Variants in RIN3 observed in about 807,000 individuals in gnomAD.
RIN3 encodes Ras and Rab interactor 3.
In RIN3, 54 loss-of-function variants were observed where a neutral mutation model predicts 76.3. That is an observed-to-expected ratio of 0.71 (90% CI 0.57 to 0.89). RIN3 has a LOEUF of 0.89. RIN3 is among the 40% of genes least tolerant of loss of function. The probability of loss-of-function intolerance (pLI) is 0.00; values close to 1 mark genes in which losing one functional copy is unlikely to be tolerated. For missense variants in RIN3, 1,256 were observed against 1,322.1 expected, an observed-to-expected ratio of 0.95 and a Z score of 0.78; for synonymous variants, 576 against 564.0, an observed-to-expected ratio of 1.02 and a Z score of -0.30.
At position 92,626,663 on chromosome 14, in the gene RIN3, G is replaced by T. The variant is rs374607434; in HGVS notation, c.440+11184G>T. Among the ~76,000 whole-genome samples the T allele has an allele frequency of 4.6e-5, 7 of 152,264 alleles. No homozygotes were observed. The East Asian group carries it at 1.2e-3, about 25-fold the overall frequency. On this transcript the variant is annotated intron_variant, in intron 4 of 9. Coordinates refer to ENST00000216487, the MANE Select transcript of RIN3 (RefSeq NM_024832.5). ...GTAATTCCCAAGAGTCAGAGTATAA[G>T]GGGGAGGAATAATAGGAGTAGCAGA...
intron 1 of RIN3, among the ~76,000 whole-genome samples, chr14:92,517,767 T>C (rs1896480969): frequency 6.6e-6 from 1 of 152,152 alleles, no homozygotes; most frequent in Non-Finnish European, 1.5e-5. Flanking sequence ...ATCACAACTT[T>C]AATGACTTCC....
chr14:92,633,896 C>T (rs943126617), intron 4 of RIN3, among the ~76,000 whole-genome samples: 7 of 151,118 alleles, frequency 4.6e-5, no homozygotes, highest in Non-Finnish European at 1.0e-4. Context: ...TGTGTGTGTG[C>T]ATGCACATAT....
chr14:92,629,099 T>C (rs1332737112), intron 4 of RIN3, among the ~76,000 whole-genome samples: 1 of 147,346 alleles, frequency 6.8e-6, no homozygotes, highest in African/African-American at 2.5e-5. Context: ...CCACCAAGGG[T>C]CCTGAGTCGG....
At chr14:92,536,270 G>C (rs1323746388) in intron 1 of RIN3, among the ~76,000 whole-genome samples, 2 of 152,168 alleles carry the variant, frequency 1.3e-5, no homozygotes, top group African/African-American at 4.8e-5. Flanking sequence ...CACTGATGCT[G>C]TAGACCGTTT....
At chr14:92,627,548 C>T (rs532597604) in intron 4 of RIN3, among the ~76,000 whole-genome samples, 277 of 152,340 alleles carry the variant, frequency 1.8e-3, no homozygotes, top group Admixed American at 3.6e-3. Flanking sequence ...CAGGATATCC[C>T]GACCACCAAT....
chr14:92,621,663 A>G (rs1218994379), intron 4 of RIN3, among the ~76,000 whole-genome samples: 1 of 152,242 alleles, frequency 6.6e-6, no homozygotes, highest in Admixed American at 6.5e-5. Flanking sequence ...AAAGATTGTG[A>G]AAAACCAAGG....
intron 1 of RIN3, among the ~76,000 whole-genome samples, chr14:92,538,204 G>A (rs1239009537): frequency 6.6e-6 from 1 of 151,532 alleles, no homozygotes; most frequent in African/African-American, 2.4e-5. Context: ...TCCTGACCTA[G>A]GTGATCTGCC....
chr14:92,646,497 C>T (rs371913467), intron 5 of RIN3, among the ~76,000 whole-genome samples: 48 of 152,336 alleles, frequency 3.2e-4, no homozygotes, highest in African/African-American at 1.1e-3. Flanking sequence ...TGCAGTGGCA[C>T]GATCTCAGCT....
chr14:92,529,812 G>A (rs1896837015), intron 1 of RIN3, among the ~76,000 whole-genome samples: 1 of 152,208 alleles, frequency 6.6e-6, no homozygotes, highest in Admixed American at 6.5e-5. Context: ...AGAAGGCTGT[G>A]ATGTGCCTTA....
chr14:92,533,139 C>G (rs1896922296), intron 1 of RIN3, among the ~76,000 whole-genome samples: 2 of 152,082 alleles, frequency 1.3e-5, no homozygotes. Context: ...AAACAAATCC[C>G]ACAAATAACA....
chr14:92,597,822 T>C (rs1405169648), intron 3 of RIN3, among the ~76,000 whole-genome samples: 2 of 152,228 alleles, frequency 1.3e-5, no homozygotes, highest in African/African-American at 4.8e-5. Context: ...CTTCTCCTAC[T>C]GAGTTATGAC....
rs189979242 is a variant in RIN3, at chr14:92,641,519, T to G, written c.532+190T>G. Among the ~76,000 whole-genome samples the G allele has an allele frequency of 1.9e-3, 290 of 152,272 alleles. 2 individuals carry two copies. Among genetic ancestry groups the G allele is most frequent in the Admixed American group, 8.1e-3 (124 of 15,296 alleles). Reference sequence around the variant, plus strand: ...TCCAGTTTCTAAAGAGTCGCCTCTATCAGCTGCCCAGGACGCCCTGAGGCC... The same window carrying G: ...TCCAGTTTCTAAAGAGTCGCCTCTAGCAGCTGCCCAGGACGCCCTGAGGCC... On this transcript the variant is annotated intron_variant, in intron 5 of 9. Transcript: ENST00000216487.
rs1193933067 is a variant in RIN3 at position 92,688,968 on chromosome 14, AT to A, written c.*719del. ...TTGCAGGAGCCATCGTGTGGGGAGA[AT>A]TTAATAAAAGCCCTTTTGAAAATGA... On this transcript the variant is annotated 3_prime_UTR_variant, in exon 10 of 10. Coordinates refer to ENST00000216487, the MANE Select transcript of RIN3 (RefSeq NM_024832.5). 6.6e-6 allele frequency: 1 copy of A among 152,232 alleles called. No homozygotes were observed. Among genetic ancestry groups the A allele is most frequent in the Admixed American group, 6.5e-5 (1 of 15,274 alleles). The allele number at this position is 152,232 out of a possible 1,614,324, so 9.4% of individuals were successfully genotyped here.
chr14:92,659,545 T>A lies in RIN3; in HGVS notation c.2335+76T>A, dbSNP rs927181094. 5 of 1,377,360 alleles carry A rather than the reference T, an allele frequency of 3.6e-6. No individual in the cohort carries two copies. In the South Asian group the frequency reaches 7.1e-5, roughly 19 times the overall value. The allele number at this position is 1,377,360 out of a possible 1,614,324, so 85.3% of individuals were successfully genotyped here. A position where few individuals can be genotyped will look rare whatever the true frequency, so the allele number is the denominator to read the frequency against. On this transcript the variant is annotated intron_variant, in intron 7 of 9. Transcript: ENST00000216487. Reference sequence around the variant, plus strand: ...TCCATGACCCCACCCTGACCAGGACTCCAGAGCCCTTGGAAGGCCCCAGAC... The same window carrying A: ...TCCATGACCCCACCCTGACCAGGACACCAGAGCCCTTGGAAGGCCCCAGAC...
chr14:92,555,693 T>C, intron 1 of RIN3, 58 bp from the exon 2 acceptor site: 1 of 1,545,912 alleles, frequency 6.5e-7, no homozygotes, highest in Non-Finnish European at 8.9e-7. Flanking sequence ...TCCCCAGGTG[T>C]TATAAACCTT....
rs1196774017 is a variant in RIN3, at chr14:92,681,293, G to C, written c.2468-3694G>C. 4.6e-5 allele frequency among the ~76,000 whole-genome samples: 7 copies of C among 151,860 alleles called. 1 individual carries two copies. Among genetic ancestry groups the C allele is most frequent in the Admixed American group, 3.9e-4 (6 of 15,236 alleles). On this transcript the variant is annotated intron_variant, in intron 8 of 9. Coordinates refer to ENST00000216487, the MANE Select transcript of RIN3 (RefSeq NM_024832.5). The surrounding 1 kb of genome is among the most constrained non-coding windows in gnomAD (Gnocchi z 4.7). ...TTCATGGCCCCAAGTCAAAGAGGAAGGCTGGCAGAGAGAGAGGCCTCACGA... is the reference window on the plus strand; with the variant it reads ...TTCATGGCCCCAAGTCAAAGAGGAACGCTGGCAGAGAGAGAGGCCTCACGA...
chr14:92,590,753 G>A (rs1884950890), intron 3 of RIN3, among the ~76,000 whole-genome samples: 1 of 152,150 alleles, frequency 6.6e-6, no homozygotes, highest in Non-Finnish European at 1.5e-5. Context: ...CAACTTAAAG[G>A]AGGAAAAAAC....
Position 92,568,620 on chromosome 14 carries a change from C to T in RIN3, c.250-8740C>T, listed in dbSNP as rs1357290163. On this transcript the variant is annotated intron_variant, in intron 2 of 9. Coordinates refer to ENST00000216487, the MANE Select transcript of RIN3 (RefSeq NM_024832.5). The surrounding 1 kb of genome is among the most constrained non-coding windows in gnomAD (Gnocchi z 4.2). ...GCCCACAGCACGTACCTGTCAGTGTCACCCTCACCCATGGCCACCTGGGCA... is the reference window on the plus strand; with the variant it reads ...GCCCACAGCACGTACCTGTCAGTGTTACCCTCACCCATGGCCACCTGGGCA... Among the ~76,000 whole-genome samples, 1 of 152,206 alleles carries T rather than the reference C, an allele frequency of 6.6e-6. No individual in the cohort carries two copies. The highest frequency in any genetic ancestry group is 1.9e-4 in the East Asian group (1 of 5,188).
At position 92,652,346 on chromosome 14, in the gene RIN3, G is replaced by A. The variant is rs770175107; in HGVS notation, c.1297G>A (p.Gly433Ser). 1.9e-6 allele frequency: 3 copies of A among 1,606,340 alleles called. No homozygotes were observed. The East Asian group carries it at 6.7e-5, about 36-fold the overall frequency. The part of the protein sequence containing the change: ...EDTPRESTEQ[G>S]QDTEVKASDP... ...CACGCCCCGGGAGAGCACGGAGCAA[G>A]GCCAGGACACAGAGGTGAAAGCCAG... The change falls in exon 6 of 10, where the codon GGC becomes AGC. Residue 433 changes from glycine to serine, a missense_variant. By Grantham distance (56) the Gly-to-Ser change is moderately conservative (BLOSUM62 0). Around this residue, in one of 3 missense-constraint regions of RIN3, gnomAD observed 610 missense variants for 626.4 expected, o/e 0.97. Transcript: ENST00000216487. The surrounding 1 kb of genome is among the most constrained non-coding windows in gnomAD (Gnocchi z 6.4).
Sources: gnomAD v4.1 joint callset for allele counts (sites outside exome capture counted in the v4.1 genomes callset) on GRCh38, gnomAD v4.1.1 for gene constraint, gnomAD v4.1.1 regional missense constraint, Gnocchi (gnomAD v3.1) non-coding constraint, MANE v1.5 for transcripts, NCBI Gene and HGNC (gene_info 2026-07-23, HGNC 2026-07-21) for gene names.